SOX6: variants seen among roughly 807,000 people sequenced by gnomAD.
SOX6 encodes the protein SRY-box transcription factor 6.
Under a neutral mutation model 97.8 loss-of-function variants are expected in SOX6, and 11 were observed. The observed-to-expected ratio is 0.11, with a 90% CI of 0.07 to 0.19. The LOEUF (loss-of-function observed/expected upper bound fraction) is 0.19, where lower values mean the gene tolerates loss of function less well. Ranked by LOEUF, SOX6 falls within the 10% of genes least tolerant of loss-of-function variation. The pLI is 1.00. For missense variants in SOX6, 810 were observed against 1,039.5 expected, an observed-to-expected ratio of 0.78 and a Z score of 3.04; for synonymous variants, 360 against 371.4, an observed-to-expected ratio of 0.97 and a Z score of 0.35.
At chr11:16,415,173 T>A (rs925271730) in intron 1 of SOX6, among the ~76,000 whole-genome samples, 2 of 152,160 alleles carry the variant, frequency 1.3e-5, no homozygotes, top group African/African-American at 2.4e-5. Flanking sequence ...AGCCTAGACA[T>A]GTAAATTACC....
chr11:16,306,605 A>G, intron 3 of SOX6, among the ~76,000 whole-genome samples: 1 of 136,298 alleles, frequency 7.3e-6, no homozygotes, highest in Non-Finnish European at 1.7e-5. Context: ...TTACATCCTC[A>G]AATTTCTTTT....
At chr11:16,100,781 T>C (rs529700346) in intron 7 of SOX6, among the ~76,000 whole-genome samples, 1 of 149,106 alleles carries the variant, frequency 6.7e-6, no homozygotes, top group Non-Finnish European at 1.5e-5. Context: ...AAAAATCCCA[T>C]GGGTAAAAGT....
At chr11:16,199,235 C>T (rs1477744400) in intron 4 of SOX6, among the ~76,000 whole-genome samples, 1 of 152,132 alleles carries the variant, frequency 6.6e-6, no homozygotes, top group African/African-American at 2.4e-5. Flanking sequence ...CACTGTTGCA[C>T]AAGTGGTAGA....
At chr11:16,493,628 T>C (rs1308596358) in intron 4 of SOX6, among the ~76,000 whole-genome samples, 1 of 152,194 alleles carries the variant, frequency 6.6e-6, no homozygotes, top group African/African-American at 2.4e-5. Context: ...CTATTTTGTA[T>C]TTGGGTATTA....
chr11:16,682,699 A>G (rs11517760), intron 3 of SOX6, among the ~76,000 whole-genome samples: 81,064 of 152,110 alleles, frequency 0.53, 22,437 homozygotes, highest in Admixed American at 0.62. Context: ...GCCCTCTCCC[A>G]TCACTCCTCT....
chr11:16,489,853 A>G (rs867848182), intron 4 of SOX6, among the ~76,000 whole-genome samples: 1 of 152,138 alleles, frequency 6.6e-6, no homozygotes, highest in Non-Finnish European at 1.5e-5. Context: ...AGTGAAGGCT[A>G]GGAGGCAGAT....
At chr11:16,151,701 A>G (rs1348796993) in intron 6 of SOX6, among the ~76,000 whole-genome samples, 1 of 152,204 alleles carries the variant, frequency 6.6e-6, no homozygotes, top group African/African-American at 2.4e-5. Context: ...TCTATAAATC[A>G]TGACTATAGT....
At position 16,104,006 on chromosome 11, in the gene SOX6, A is replaced by G. The variant is rs551998934; in HGVS notation, c.899-6318T>C. 5.3e-5 allele frequency among the ~76,000 whole-genome samples: 8 copies of G among 152,078 alleles called. No individual in the cohort carries two copies. In the South Asian group the frequency reaches 1.7e-3, roughly 31 times the overall value. On this transcript the variant is annotated intron_variant, in intron 7 of 15. Coordinates refer to ENST00000683767, the MANE Select transcript of SOX6 (RefSeq NM_001367873.1). ...AAAATAAAACAAATAAAAATTAAAA[A>G]TTAAAAAATAAACTCTCAAAGTTCA...
At position 15,972,610 on chromosome 11, in the gene SOX6, A is replaced by T. The variant is rs1258139568; in HGVS notation, c.*199T>A. On this transcript the variant is annotated 3_prime_UTR_variant, in exon 16 of 16. Transcript: ENST00000683767. ...CCTAAATTAAAAAAACAACAACAACAACAATAACAATAACAACAAAAAACT... is the reference window on the plus strand; with the variant it reads ...CCTAAATTAAAAAAACAACAACAACTACAATAACAATAACAACAAAAAACT... The T allele has an allele frequency of 3.3e-6, 2 of 614,740 alleles. No homozygotes were observed. The highest frequency in any genetic ancestry group is 3.7e-5 in the African/African-American group (2 of 54,160). 38.1% of individuals were successfully genotyped at this position (614,740 alleles called of 1,614,324 possible).
intron 3 of SOX6, among the ~76,000 whole-genome samples, chr11:16,641,513 G>A (rs1263757665): frequency 6.6e-6 from 1 of 152,022 alleles, no homozygotes; most frequent in Non-Finnish European, 1.5e-5. Flanking sequence ...GGGTGTTAAA[G>A]TCTCTCGTTA....
upstream of SOX6, among the ~76,000 whole-genome samples, chr11:16,478,645 A>G (rs1010976041): frequency 6.6e-6 from 1 of 152,268 alleles, no homozygotes; most frequent in African/African-American, 2.4e-5. Context: ...AGAGTTCATC[A>G]TTATATAATT....
chr11:16,253,782 A>C (rs544306008), intron 3 of SOX6, among the ~76,000 whole-genome samples: 1 of 152,210 alleles, frequency 6.6e-6, no homozygotes, highest in East Asian at 1.9e-4. Context: ...GAAAAAGAGA[A>C]AGGAACAGAA....
intron 3 of SOX6, among the ~76,000 whole-genome samples, chr11:16,669,158 TA>T (rs1040641521): frequency 6.6e-6 from 1 of 152,060 alleles, no homozygotes; most frequent in Non-Finnish European, 1.5e-5. Context: ...AACAAGTCTT[TA>T]AAAATTGAAA....
chr11:16,730,381 G>A (rs1424157235), intron 2 of SOX6, among the ~76,000 whole-genome samples: 1 of 151,898 alleles, frequency 6.6e-6, no homozygotes, highest in Non-Finnish European at 1.5e-5. Flanking sequence ...AAGAACGGAA[G>A]TAAAAACCAA....
At chr11:16,634,829 G>A (rs1179216462) in intron 3 of SOX6, among the ~76,000 whole-genome samples, 1 of 152,174 alleles carries the variant, frequency 6.6e-6, no homozygotes, top group Non-Finnish European at 1.5e-5. Context: ...GACCCAGTGA[G>A]GGGTAATCGA....
Position 16,424,112 on chromosome 11 carries a change from TAGA to T in SOX6, c.-5+52200_-5+52202del, listed in dbSNP as rs1241321057. On this transcript the variant is annotated intron_variant, in intron 1 of 15. Transcript: ENST00000396356. ...TTCAATACAGTTACCCAGAATGAAATAGAAGCCAGATGCCAATAGACAGAGGAA... is the reference window on the plus strand; with the variant it reads ...TTCAATACAGTTACCCAGAATGAAATAGCCAGATGCCAATAGACAGAGGAA... Among the ~76,000 whole-genome samples, 3 of 152,024 alleles carry T rather than the reference TAGA, an allele frequency of 2.0e-5. No homozygotes were observed. In the East Asian group the frequency reaches 5.8e-4, roughly 29 times the overall value.
At chr11:16,234,898 G>T (rs1461197156) in intron 3 of SOX6, among the ~76,000 whole-genome samples, 1 of 151,804 alleles carries the variant, frequency 6.6e-6, no homozygotes, top group African/African-American at 2.4e-5. Context: ...AGAGAAAAAA[G>T]ATAATGCTCA....
rs535215307 is a variant in SOX6 at position 16,701,498 on chromosome 11, T to C, written n.429+13332A>G. 5.9e-5 allele frequency among the ~76,000 whole-genome samples: 9 copies of C among 152,206 alleles called. No individual in the cohort carries two copies. In the South Asian group the frequency reaches 1.2e-3, roughly 21 times the overall value. ...AATTGACATATGTTCATGGTTTAAA[T>C]AGAAAACCAATATGGAAGAATATGA... On this transcript the variant is annotated intron_variant and non_coding_transcript_variant, in intron 3 of 5. Coordinates refer to the SOX6 transcript ENST00000524520.
intron 3 of SOX6, among the ~76,000 whole-genome samples, chr11:16,643,311 T>A (rs1054294970): frequency 3.8e-4 from 58 of 152,280 alleles, no homozygotes; most frequent in African/African-American, 1.4e-3. Context: ...ATGTGAGGTG[T>A]CAGTCTGCCC....
Sources: gnomAD v4.1 joint callset for allele counts (sites outside exome capture counted in the v4.1 genomes callset) on GRCh38, gnomAD v4.1.1 for gene constraint, MANE v1.5 for transcripts, NCBI Gene and HGNC (gene_info 2026-07-23, HGNC 2026-07-21) for gene names.